GABRB3: variants seen among roughly 807,000 people sequenced by gnomAD.
GABRB3 encodes the protein gamma-aminobutyric acid type A receptor subunit beta3.
A neutral mutation model predicts 52.1 loss-of-function variants in GABRB3; 14 were observed. The observed-to-expected ratio is 0.27, with a 90% CI of 0.18 to 0.42. The LOEUF (loss-of-function observed/expected upper bound fraction) is 0.42, where lower values mean the gene tolerates loss of function less well. Ranked by LOEUF, GABRB3 falls within the 10% of genes least tolerant of loss-of-function variation. GABRB3 has a pLI of 1.00. For synonymous variants in GABRB3, 260 were observed against 232.3 expected, an observed-to-expected ratio of 1.12 and a Z score of -1.08; for missense variants, 307 against 609.1, an observed-to-expected ratio of 0.50 and a Z score of 5.22.
chr15:26,611,037 G>A (rs1348720747), intron 4 of GABRB3, among the ~76,000 whole-genome samples: 1 of 152,118 alleles, frequency 6.6e-6, no homozygotes, highest in African/African-American at 2.4e-5. Flanking sequence ...CTGAGTTATT[G>A]GCAAAAATAC....
At chr15:26,651,002 A>G (rs1029052966) in intron 3 of GABRB3, among the ~76,000 whole-genome samples, 7 of 151,944 alleles carry the variant, frequency 4.6e-5, no homozygotes, top group Admixed American at 2.0e-4. Context: ...GACCAACCCA[A>G]CCTCATTCTT....
chr15:26,718,418 A>G (rs1889557215), intron 3 of GABRB3, among the ~76,000 whole-genome samples: 2 of 152,170 alleles, frequency 1.3e-5, no homozygotes, highest in African/African-American at 4.8e-5. Context: ...CATGTGGGTC[A>G]GGCTGCTCTC....
intron 3 of GABRB3, among the ~76,000 whole-genome samples, chr15:26,673,070 C>T (rs149741216): frequency 2.0e-5 from 3 of 152,154 alleles, no homozygotes; most frequent in Non-Finnish European, 4.4e-5. Flanking sequence ...GACCTCCTAT[C>T]GTGTTTTCCT....
chr15:26,662,073 AC>A (rs1887569284), intron 3 of GABRB3, among the ~76,000 whole-genome samples: 1 of 152,306 alleles, frequency 6.6e-6, no homozygotes, highest in East Asian at 1.9e-4. Context: ...ATCTTTAATA[AC>A]CATCAAAACA....
chr15:26,715,524 C>T (rs998535665), intron 3 of GABRB3, among the ~76,000 whole-genome samples: 3 of 151,932 alleles, frequency 2.0e-5, no homozygotes, highest in African/African-American at 7.3e-5. Flanking sequence ...CCTTAAGTGC[C>T]GAGGCAGGAA....
chr15:26,633,363 A>C (rs1434199944), intron 3 of GABRB3, among the ~76,000 whole-genome samples: 1 of 152,172 alleles, frequency 6.6e-6, no homozygotes, highest in Non-Finnish European at 1.5e-5. Flanking sequence ...CCAGTGCTCC[A>C]GGGCTCACCT....
At chr15:26,676,591 A>G (rs563040553) in intron 3 of GABRB3, among the ~76,000 whole-genome samples, 3 of 152,224 alleles carry the variant, frequency 2.0e-5, no homozygotes, top group Admixed American at 6.5e-5. Context: ...TCAAGCTACT[A>G]ACACAGGAAG....
intron 3 of GABRB3, among the ~76,000 whole-genome samples, chr15:26,630,998 G>A (rs971954557): frequency 6.6e-6 from 1 of 152,180 alleles, no homozygotes; most frequent in Admixed American, 6.5e-5. Context: ...AAGAAGCCAC[G>A]GTTCCTGGTG....
At chr15:26,682,504 G>A (rs1438927031) in intron 3 of GABRB3, among the ~76,000 whole-genome samples, 2 of 152,162 alleles carry the variant, frequency 1.3e-5, no homozygotes, top group East Asian at 1.9e-4. Flanking sequence ...GACAGCCCCC[G>A]AGCTTACTTA....
intron 4 of GABRB3, chr15:26,616,125 T>C (rs1181602568): frequency 8.0e-7 from 1 of 1,254,340 alleles, no homozygotes; most frequent in Admixed American, 2.3e-5. Context: ...GGGCCTGCCA[T>C]GTCACCATCC....
At chr15:26,551,012 A>T (rs1421686206) in intron 8 of GABRB3, among the ~76,000 whole-genome samples, 1 of 152,222 alleles carries the variant, frequency 6.6e-6, no homozygotes, top group Admixed American at 6.5e-5. Context: ...AGCACCTGAA[A>T]TATTTTGAGA....
chr15:26,757,576 T>C (rs150977618), intron 3 of GABRB3, among the ~76,000 whole-genome samples: 2 of 152,254 alleles, frequency 1.3e-5, no homozygotes, highest in East Asian at 3.9e-4. Context: ...GCAGTTATAA[T>C]AGAGTTAAGC....
At chr15:26,573,391 A>C (rs1890479566) in intron 6 of GABRB3, among the ~76,000 whole-genome samples, 1 of 152,244 alleles carries the variant, frequency 6.6e-6, no homozygotes. Flanking sequence ...GAGAGAGAAG[A>C]AAAATGGGAT....
chr15:26,705,777 C>T, intron 3 of GABRB3, among the ~76,000 whole-genome samples: 1 of 152,178 alleles, frequency 6.6e-6, no homozygotes, highest in Non-Finnish European at 1.5e-5. Flanking sequence ...TGAATATGTT[C>T]ATTCCCTTCA....
chr15:26,551,186 T>G (rs1172878385), intron 8 of GABRB3, among the ~76,000 whole-genome samples: 1 of 152,200 alleles, frequency 6.6e-6, no homozygotes, highest in Non-Finnish European at 1.5e-5. Flanking sequence ...TTTTGTTTTT[T>G]GTATGTCATG....
chr15:26,649,658 C>CTGTGTGTGTG (rs57833685), intron 3 of GABRB3, among the ~76,000 whole-genome samples: 17,087 of 130,010 alleles, frequency 0.13, 1,369 homozygotes, highest in Middle Eastern at 0.16. Flanking sequence ...AGAGCCAAGG[C>CTGTGTGTGTG]TGTGTGTGTG....
intron 3 of GABRB3, among the ~76,000 whole-genome samples, chr15:26,721,618 T>C (rs530743456): frequency 6.6e-6 from 1 of 151,886 alleles, no homozygotes; most frequent in Admixed American, 6.6e-5. Context: ...GATCTGTCTT[T>C]TGTTACAGAG....
chr15:26,614,989 C>G (rs1169784732), intron 4 of GABRB3: 2 of 150,908 alleles, frequency 1.3e-5, no homozygotes, highest in Non-Finnish European at 3.0e-5. Context: ...GAACCCCCCC[C>G]TCGCCAACTC....
intron 3 of GABRB3, among the ~76,000 whole-genome samples, chr15:26,691,276 C>T (rs1439467536): frequency 6.6e-6 from 1 of 151,952 alleles, no homozygotes; most frequent in East Asian, 1.9e-4. Context: ...TAACATGAAG[C>T]AAAGAAATGA....
Sources: gnomAD v4.1 joint callset for allele counts (sites outside exome capture counted in the v4.1 genomes callset) on GRCh38, gnomAD v4.1.1 for gene constraint, MANE v1.5 for transcripts, NCBI Gene and HGNC (gene_info 2026-07-23, HGNC 2026-07-21) for gene names.